CAPRIN1: variants seen among roughly 807,000 people sequenced by gnomAD.
CAPRIN1 encodes the protein cell cycle associated protein 1.
In CAPRIN1, 29 loss-of-function variants were observed where a neutral mutation model predicts 100.9. That is an observed-to-expected ratio of 0.29 (90% CI 0.21 to 0.39). The LOEUF (loss-of-function observed/expected upper bound fraction) is 0.39. Among genes scored for constraint, CAPRIN1 ranks in the 10% least tolerant of loss-of-function variants. CAPRIN1 has a pLI of 1.00. For missense variants in CAPRIN1, 795 were observed against 876.7 expected, an observed-to-expected ratio of 0.91 and a Z score of 1.18; for synonymous variants, 338 against 307.5, an observed-to-expected ratio of 1.10 and a Z score of -1.04.
intron 7 of CAPRIN1, among the ~76,000 whole-genome samples, chr11:34,081,824 A>G (rs73501023): frequency 0.1 from 15,520 of 150,834 alleles, 856 homozygotes; most frequent in African/African-American, 0.15. Flanking sequence ...TTTGTGGGGG[A>G]CAGGGGGCAC....
chr11:34,065,674 T>C (rs988505709), intron 2 of CAPRIN1, among the ~76,000 whole-genome samples: 14 of 152,258 alleles, frequency 9.2e-5, no homozygotes, highest in African/African-American at 3.4e-4. Context: ...AAGTTCTTTG[T>C]ATACCTCAAT....
Position 34,090,821 on chromosome 11 carries a change from C to T in CAPRIN1, c.1554+143C>T, listed in dbSNP as rs139142875. 1,252 of 691,128 alleles carry T rather than the reference C, an allele frequency of 1.8e-3. 4 individuals carry two copies. Among genetic ancestry groups the T allele is most frequent in the Middle Eastern group, 7.0e-3 (17 of 2,444 alleles). 42.8% of individuals were successfully genotyped at this position (691,128 alleles called of 1,614,324 possible). On this transcript the variant is annotated intron_variant, in intron 14 of 18. Transcript: ENST00000341394. ...TAGGGTATATTTAATTGAACATAAA[C>T]TGATTATTCCAGAGATTAACTGATA... is the stretch of plus-strand genomic sequence containing the variant.
intron 7 of CAPRIN1, 140 bp downstream of exon 7, chr11:34,079,905 G>GTTTTTTTTT (rs377455073): frequency 3.2e-6 from 1 of 316,654 alleles, no homozygotes; most frequent in African/African-American, 2.9e-5. Context: ...GCATGACAAA[G>GTTTTTTTTT]TTTTTTTTTT....
intron 9 of CAPRIN1, among the ~76,000 whole-genome samples, chr11:34,083,353 G>A (rs775206859): frequency 2.6e-5 from 4 of 152,170 alleles, no homozygotes; most frequent in Non-Finnish European, 5.9e-5. Context: ...CACACTGATA[G>A]CTGTGTTTTG....
Position 34,064,113 on chromosome 11 carries a change from A to G in CAPRIN1, c.217-7613A>G, listed in dbSNP as rs1850637752. Among the ~76,000 whole-genome samples the G allele has an allele frequency of 2.0e-5, 3 of 152,144 alleles. 1 individual carries two copies. The South Asian group carries it at 6.2e-4, about 32-fold the overall frequency. ...AGGAAAATGGTTTCATTCTCTAGGAAAAATACTTAATATCTTATTTTATTT... is the reference window on the plus strand; with the variant it reads ...AGGAAAATGGTTTCATTCTCTAGGAGAAATACTTAATATCTTATTTTATTT... On this transcript the variant is annotated intron_variant, in intron 2 of 18. Coordinates refer to ENST00000341394, the MANE Select transcript of CAPRIN1 (RefSeq NM_005898.5).
intron 11 of CAPRIN1, among the ~76,000 whole-genome samples, chr11:34,087,774 G>C (rs1851177270): frequency 6.6e-6 from 1 of 152,210 alleles, no homozygotes; most frequent in Non-Finnish European, 1.5e-5. Context: ...TTGTGTGAAA[G>C]TCAGTATACA....
rs1476414154 is a variant in CAPRIN1 at position 34,091,894 on chromosome 11, A to AT, written c.1555-9dup. The AT allele has an allele frequency of 6.2e-7, 1 of 1,602,070 alleles. No homozygotes were observed. Among genetic ancestry groups the AT allele is most frequent in the Non-Finnish European group, 8.5e-7 (1 of 1,175,856 alleles). On this transcript the variant is annotated splice_polypyrimidine_tract_variant and intron_variant, in intron 14 of 18. Transcript: ENST00000341394. ...AAAGGATGAACTAATCATTTACTTT[A>AT]TTTACTAACAGGTGTTCAATATGAA... is the stretch of plus-strand genomic sequence containing the variant.
In CAPRIN1 at chr11:34,083,058, T is replaced by A; in HGVS notation, c.966+17T>A. 6.4e-7 allele frequency: 1 copy of A among 1,568,656 alleles called. No individual in the cohort carries two copies. Among genetic ancestry groups the A allele is most frequent in the Non-Finnish European group, 8.8e-7 (1 of 1,138,926 alleles). On this transcript the variant is annotated intron_variant, in intron 9 of 18. Transcript: ENST00000341394. ...ACGGTTGAGGTAAGAGTTCTCTGTA[T>A]TGCAAAGTTGTTGTCTTTGTCTTCA... is the stretch of plus-strand genomic sequence containing the variant.
At chr11:34,097,634 AAGAAT>A in intron 17 of CAPRIN1, 59 bp from the exon 18 acceptor site, 5 of 1,589,118 alleles carry the variant, frequency 3.1e-6, no homozygotes, top group Non-Finnish European at 4.3e-6. Context: ...GTTAGACTGA[AAGAAT>A]AGATGGGTAA....
intron 4 of CAPRIN1, among the ~76,000 whole-genome samples, chr11:34,073,598 AT>A (rs1850845435): frequency 6.6e-6 from 1 of 151,938 alleles, no homozygotes; most frequent in South Asian, 2.1e-4. Flanking sequence ...TAATTTTCTA[AT>A]TTTTAGTAGG....
At chr11:34,080,549 T>C (rs1446294717) in intron 7 of CAPRIN1, among the ~76,000 whole-genome samples, 1 of 152,222 alleles carries the variant, frequency 6.6e-6, no homozygotes, top group Non-Finnish European at 1.5e-5. Flanking sequence ...GCAAGGGGTC[T>C]TTTCCAGTTA....
intron 2 of CAPRIN1, among the ~76,000 whole-genome samples, chr11:34,060,493 CTG>C (rs537064306): frequency 2.6e-5 from 4 of 152,192 alleles, no homozygotes; most frequent in Non-Finnish European, 5.9e-5. Context: ...GGTTGACCCA[CTG>C]TGCCTGGCCC....
chr11:34,097,806 G>T, intron 18 of CAPRIN1, 45 bp downstream of exon 18: 5 of 1,613,724 alleles, frequency 3.1e-6, no homozygotes, highest in Non-Finnish European at 4.2e-6. Flanking sequence ...TGGAGCTTCT[G>T]TTCTGGCCTT....
intron 7 of CAPRIN1, among the ~76,000 whole-genome samples, chr11:34,082,269 C>G (rs891699162): frequency 6.6e-6 from 1 of 152,000 alleles, no homozygotes; most frequent in Non-Finnish European, 1.5e-5. Flanking sequence ...CTCACTGCAA[C>G]CTCCATCTCC....
intron 2 of CAPRIN1, among the ~76,000 whole-genome samples, chr11:34,061,877 A>G (rs1850586268): frequency 6.7e-6 from 1 of 150,100 alleles, no homozygotes; most frequent in Admixed American, 6.7e-5. Flanking sequence ...AGTCTGAGGC[A>G]GGAGAATCGC....
chr11:34,098,106 G>A, intron 18 of CAPRIN1: 4 of 1,016,796 alleles, frequency 3.9e-6, no homozygotes, highest in Non-Finnish European at 4.7e-6. Context: ...TTTTTGGAAT[G>A]AGATTGAACA....
At chr11:34,087,328 C>CTTTTTT (rs1565095087) in intron 11 of CAPRIN1, among the ~76,000 whole-genome samples, 1 of 94,604 alleles carries the variant, frequency 1.1e-5, no homozygotes, top group African/African-American at 4.2e-5. Context: ...ATATCTCTCA[C>CTTTTTT]ATTTTTTTTT....
intron 4 of CAPRIN1, among the ~76,000 whole-genome samples, chr11:34,073,119 C>T (rs1316184762): frequency 6.6e-6 from 1 of 152,144 alleles, no homozygotes; most frequent in Admixed American, 6.6e-5. Context: ...GTAAAGTTGC[C>T]TCTAATTTGC....
At chr11:34,084,509 G>A (rs1851098971) in intron 9 of CAPRIN1, among the ~76,000 whole-genome samples, 1 of 152,132 alleles carries the variant, frequency 6.6e-6, no homozygotes, top group African/African-American at 2.4e-5. Flanking sequence ...GTTATACCAG[G>A]GGCATTGGTT....
Sources: gnomAD v4.1 joint callset for allele counts (sites outside exome capture counted in the v4.1 genomes callset) on GRCh38, gnomAD v4.1.1 for gene constraint, MANE v1.5 for transcripts, NCBI Gene and HGNC (gene_info 2026-07-23, HGNC 2026-07-21) for gene names.